The following GALNT13 variants were observed in gnomAD, a reference collection of about 807,000 sequenced individuals.
GALNT13 encodes polypeptide N-acetylgalactosaminyltransferase 13.
A neutral mutation model predicts 64.2 loss-of-function variants in GALNT13; 28 were observed. The ratio of observed to expected loss-of-function variants is 0.44; its 90% CI spans 0.32 to 0.60. The LOEUF (loss-of-function observed/expected upper bound fraction) is 0.60. Among genes scored for constraint, GALNT13 ranks in the 20% least tolerant of loss-of-function variants. The pLI, the probability that GALNT13 is intolerant of heterozygous loss-of-function variation, is 0.05. For synonymous variants in GALNT13, 214 were observed against 224.6 expected, an observed-to-expected ratio of 0.95 and a Z score of 0.42; for missense variants, 577 against 669.8, an observed-to-expected ratio of 0.86 and a Z score of 1.53.
At chr2:154,347,868 G>A (rs577742110) in intron 9 of GALNT13, among the ~76,000 whole-genome samples, 39 of 152,136 alleles carry the variant, frequency 2.6e-4, no homozygotes, top group Non-Finnish European at 4.7e-4. Context: ...AGAAATTAGT[G>A]GATCTGGCTT....
At chr2:153,855,259 TG>T in the GALNT13 span, among the ~76,000 whole-genome samples, 344 of 152,244 alleles carry the variant, frequency 2.3e-3, 4 homozygotes, top group East Asian at 1.2e-3. Flanking sequence ...AAATGTAACA[TG>T]GGAGAACATA....
At chr2:153,165,384 C>T in the GALNT13 span, among the ~76,000 whole-genome samples, 1 of 152,184 alleles carries the variant, frequency 6.6e-6, no homozygotes, top group Admixed American at 6.5e-5. Context: ...TACTCCTTTA[C>T]TCCTTAAATA....
chr2:154,311,147 A>G (rs966566427), intron 9 of GALNT13, among the ~76,000 whole-genome samples: 1 of 152,080 alleles, frequency 6.6e-6, no homozygotes, highest in Non-Finnish European at 1.5e-5. Context: ...ACTGTATACT[A>G]TCAACATTCT....
At chr2:153,289,047 G>A in the GALNT13 span, among the ~76,000 whole-genome samples, 15 of 152,268 alleles carry the variant, frequency 9.9e-5, no homozygotes, top group African/African-American at 2.9e-4. Context: ...CCCATGACTT[G>A]TAGTTTTATT....
chr2:153,950,402 G>A (rs899617355), intron 3 of GALNT13, among the ~76,000 whole-genome samples: 1 of 151,956 alleles, frequency 6.6e-6, no homozygotes, highest in Admixed American at 6.6e-5. Flanking sequence ...GCAGATCAAG[G>A]CTACAGTGAT....
At chr2:153,200,141 C>T in the GALNT13 span, among the ~76,000 whole-genome samples, 1 of 152,132 alleles carries the variant, frequency 6.6e-6, no homozygotes, top group African/African-American at 2.4e-5. Flanking sequence ...GGCTTCTGAA[C>T]CTCACCCTTG....
chr2:154,121,735 A>T (rs1246829119), intron 3 of GALNT13, among the ~76,000 whole-genome samples: 1 of 148,062 alleles, frequency 6.8e-6, no homozygotes, highest in African/African-American at 2.5e-5. Context: ...TGGTTTCGGG[A>T]ATTTTTTTTT....
At chr2:153,595,779 G>C in the GALNT13 span, among the ~76,000 whole-genome samples, 2 of 152,046 alleles carry the variant, frequency 1.3e-5, no homozygotes, top group African/African-American at 4.8e-5. Flanking sequence ...TTTAAAATCA[G>C]ATGAACCACT....
intron 6 of GALNT13, 23 bp from the exon 7 acceptor site, chr2:154,245,789 A>C (rs764871816): frequency 6.6e-7 from 1 of 1,505,562 alleles, no homozygotes; most frequent in South Asian, 1.2e-5. Flanking sequence ...TGTGTCTATA[A>C]ATTGGTTTTA....
the GALNT13 span, among the ~76,000 whole-genome samples, chr2:153,119,548 C>T: frequency 6.6e-6 from 1 of 152,172 alleles, no homozygotes. Flanking sequence ...ATAAAAATGG[C>T]ACTGTTAGTG....
At chr2:153,210,077 G>T in the GALNT13 span, among the ~76,000 whole-genome samples, 7 of 152,070 alleles carry the variant, frequency 4.6e-5, no homozygotes, top group Non-Finnish European at 7.4e-5. Context: ...TAGCTTGTTT[G>T]TTGGATTCTT....
chr2:154,209,903 C>T (rs747577501), intron 4 of GALNT13, among the ~76,000 whole-genome samples: 1 of 152,070 alleles, frequency 6.6e-6, no homozygotes, highest in Non-Finnish European at 1.5e-5. Context: ...CTAAAATATA[C>T]CTTATTTAAC....
the GALNT13 span, among the ~76,000 whole-genome samples, chr2:153,266,799 C>G: frequency 6.6e-6 from 1 of 152,072 alleles, no homozygotes; most frequent in Admixed American, 6.5e-5. Context: ...ACTGGTGGTC[C>G]CTCCCAAATC....
At chr2:153,548,375 T>C in the GALNT13 span, among the ~76,000 whole-genome samples, 1 of 152,094 alleles carries the variant, frequency 6.6e-6, no homozygotes, top group Non-Finnish European at 1.5e-5. Context: ...CTCCAAACAA[T>C]AGGGGATGTC....
At chr2:154,219,308 G>A (rs933385309) in intron 4 of GALNT13, among the ~76,000 whole-genome samples, 3 of 151,906 alleles carry the variant, frequency 2.0e-5, no homozygotes, top group African/African-American at 7.3e-5. Flanking sequence ...TAAAGGTAAG[G>A]AAATTAGTCA....
At chr2:153,423,582 A>G in the GALNT13 span, 5 of 152,046 alleles carry the variant, frequency 3.3e-5, 1 homozygote, top group Non-Finnish European at 1.5e-5. Context: ...GATTATGTAT[A>G]TGAAAGTCCA....
intron 4 of GALNT13, among the ~76,000 whole-genome samples, chr2:154,159,265 G>A (rs1684598882): frequency 6.6e-6 from 1 of 152,052 alleles, no homozygotes; most frequent in Admixed American, 6.6e-5. Context: ...ATCCCAAGTA[G>A]CTGGGATTAC....
chr2:154,039,281 A>T (rs1574391808), intron 3 of GALNT13, among the ~76,000 whole-genome samples: 1 of 98,428 alleles, frequency 1.0e-5, no homozygotes, highest in East Asian at 2.5e-4. Context: ...ATGAAAATAA[A>T]TCAGTAGATC....
the GALNT13 span, among the ~76,000 whole-genome samples, chr2:153,085,252 G>C: frequency 3.3e-5 from 5 of 152,146 alleles, no homozygotes; most frequent in Admixed American, 2.0e-4. Flanking sequence ...GACAATGAGC[G>C]AGAAAAGAAA....
Sources: gnomAD v4.1 joint callset for allele counts (sites outside exome capture counted in the v4.1 genomes callset) on GRCh38, gnomAD v4.1.1 for gene constraint, MANE v1.5 for transcripts, NCBI Gene and HGNC (gene_info 2026-07-23, HGNC 2026-07-21) for gene names.